FYN: variants seen among roughly 807,000 people sequenced by gnomAD.
FYN encodes FYN proto-oncogene, Src family tyrosine kinase, also known as tyrosine-protein kinase Fyn.
A neutral mutation model predicts 70.2 loss-of-function variants in FYN; 10 were observed. That is an observed-to-expected ratio of 0.14 (90% CI 0.09 to 0.24). The LOEUF is 0.24. Ranked by LOEUF, FYN falls within the 10% of genes least tolerant of loss-of-function variation. FYN has a pLI of 1.00. For synonymous variants in FYN, 236 were observed against 248.6 expected (o/e 0.95, Z 0.48); for missense variants, 319 against 673.1 (o/e 0.47, Z 5.82).
Position 111,846,350 on chromosome 6 carries a change from A to G in FYN, c.-82+239T>C, listed in dbSNP as rs1773527337. 2.6e-5 allele frequency among the ~76,000 whole-genome samples: 4 copies of G among 152,318 alleles called. No individual in the cohort carries two copies. In the Middle Eastern group the frequency reaches 0.014, roughly 518 times the overall value. On this transcript the variant is annotated intron_variant, in intron 2 of 13. Coordinates refer to ENST00000354650, the MANE Select transcript of FYN (RefSeq NM_002037.5). ...ATAGTCAAAACATATGTTCCCATAA[A>G]TTACCAGAATTGAGTGTTACAACTA...
chr6:111,701,074 A>C (rs1296461719), intron 8 of FYN, among the ~76,000 whole-genome samples: 1 of 152,190 alleles, frequency 6.6e-6, no homozygotes, highest in African/African-American at 2.4e-5. Context: ...AATTCACAGA[A>C]ATTCAAGATG....
intron 1 of FYN, among the ~76,000 whole-genome samples, chr6:111,852,737 GA>G (rs940882131): frequency 3.3e-5 from 5 of 150,428 alleles, no homozygotes; most frequent in East Asian, 1.9e-4. Flanking sequence ...AAGAAGCCAG[GA>G]AAAAAAAAGT....
intron 12 of FYN, among the ~76,000 whole-genome samples, chr6:111,675,730 T>C (rs1472951287): frequency 2.6e-5 from 4 of 151,590 alleles, no homozygotes; most frequent in Admixed American, 2.0e-4. Flanking sequence ...GAGGCAGAGG[T>C]TGCAGTGAGC....
chr6:111,791,331 A>G (rs1213090110), intron 2 of FYN, among the ~76,000 whole-genome samples: 1 of 152,236 alleles, frequency 6.6e-6, no homozygotes, highest in Non-Finnish European at 1.5e-5. Flanking sequence ...TAAAATATAA[A>G]TGTATAAAAA....
intron 3 of FYN, among the ~76,000 whole-genome samples, chr6:111,757,777 AT>A (rs1802804662): frequency 6.6e-6 from 1 of 152,156 alleles, no homozygotes; most frequent in Admixed American, 6.5e-5. Flanking sequence ...AAAACACAGG[AT>A]GTCATTTAAA....
chr6:111,826,210 T>A (rs1583474276), intron 2 of FYN, among the ~76,000 whole-genome samples: 1 of 152,090 alleles, frequency 6.6e-6, no homozygotes, highest in South Asian at 2.1e-4. Flanking sequence ...TTTTTTCCCT[T>A]GTGAAATGGC....
chr6:111,808,442 G>A (rs1248061328), intron 2 of FYN, among the ~76,000 whole-genome samples: 1 of 152,190 alleles, frequency 6.6e-6, no homozygotes, highest in Non-Finnish European at 1.5e-5. Context: ...CGGAAGGGCT[G>A]CCTGACAGGG....
chr6:111,868,272 T>A (rs774888621), intron 1 of FYN, among the ~76,000 whole-genome samples: 2 of 152,128 alleles, frequency 1.3e-5, no homozygotes, highest in African/African-American at 2.4e-5. Context: ...CAGGATCACA[T>A]CTCTTTTGCC....
chr6:111,783,782 G>A (rs931639815), intron 2 of FYN, among the ~76,000 whole-genome samples: 5 of 152,198 alleles, frequency 3.3e-5, no homozygotes, highest in African/African-American at 1.2e-4. Context: ...ATGGCAGCAC[G>A]CCCAGCTGGG....
intron 12 of FYN, among the ~76,000 whole-genome samples, chr6:111,679,939 C>T (rs1338948854): frequency 4.6e-5 from 7 of 152,058 alleles, no homozygotes; most frequent in Non-Finnish European, 8.8e-5. Flanking sequence ...GGCAAGGGGC[C>T]TTGGGAGAGT....
chr6:111,727,131 C>T (rs1562493271), intron 3 of FYN, among the ~76,000 whole-genome samples: 1 of 152,188 alleles, frequency 6.6e-6, no homozygotes. Flanking sequence ...GGTCTCACCT[C>T]CATCCCCAAT....
intron 2 of FYN, among the ~76,000 whole-genome samples, chr6:111,841,907 A>AT (rs1380237450): frequency 2.6e-5 from 4 of 152,116 alleles, no homozygotes; most frequent in Non-Finnish European, 4.4e-5. Flanking sequence ...CGCATGATAC[A>AT]TAACAACTAT....
intron 1 of FYN, among the ~76,000 whole-genome samples, chr6:111,863,006 A>C (rs1452257037): frequency 6.6e-6 from 1 of 152,252 alleles, no homozygotes; most frequent in Non-Finnish European, 1.5e-5. Flanking sequence ...AGCCAGGATG[A>C]CTAAGGAAGA....
intron 3 of FYN, chr6:111,759,002 C>A: frequency 6.5e-6 from 1 of 152,754 alleles, no homozygotes. Context: ...ATGCAGTTCC[C>A]ACATCTTGTC....
intron 9 of FYN, among the ~76,000 whole-genome samples, chr6:111,697,179 A>G (rs1183438589): frequency 2.0e-5 from 3 of 152,230 alleles, no homozygotes; most frequent in Non-Finnish European, 4.4e-5. Flanking sequence ...ATGTTAAAAA[A>G]AAATCTAGCA....
intron 3 of FYN, among the ~76,000 whole-genome samples, chr6:111,762,391 T>G (rs530851032): frequency 6.6e-6 from 1 of 152,190 alleles, no homozygotes; most frequent in South Asian, 2.1e-4. Flanking sequence ...ACCATGGGGA[T>G]CCAAAGAAAC....
At chr6:111,668,084 T>C (rs1798091730) in intron 13 of FYN, among the ~76,000 whole-genome samples, 1 of 152,342 alleles carries the variant, frequency 6.6e-6, no homozygotes, top group Middle Eastern at 3.4e-3. Flanking sequence ...TACATGTCTG[T>C]TGAGCAGTGC....
Position 111,694,603 on chromosome 6 carries a change from C to A in FYN, c.1119+25G>T. The A allele has an allele frequency of 6.2e-7, 1 of 1,613,762 alleles. No homozygotes were observed. Among genetic ancestry groups the A allele is most frequent in the Non-Finnish European group, 8.5e-7 (1 of 1,179,762 alleles). ...TAGACACGTCATTAAATCTATGGCA[C>A]ATCAAGTTACCCTGCAGGGCCTACC... is the stretch of plus-strand genomic sequence containing the variant. On this transcript the variant is annotated intron_variant, in intron 11 of 13. Transcript: ENST00000354650. The surrounding 1 kb of genome is among the most constrained non-coding windows in gnomAD (Gnocchi z 5.0).
intron 3 of FYN, among the ~76,000 whole-genome samples, chr6:111,748,308 G>A (rs1802320151): frequency 6.6e-6 from 1 of 152,210 alleles, no homozygotes; most frequent in African/African-American, 2.4e-5. Context: ...GCTGCAGCTG[G>A]TAAGGGAACT....
Sources: gnomAD v4.1 joint callset for allele counts (sites outside exome capture counted in the v4.1 genomes callset) on GRCh38, gnomAD v4.1.1 for gene constraint, Gnocchi (gnomAD v3.1) non-coding constraint, MANE v1.5 for transcripts, NCBI Gene and HGNC (gene_info 2026-07-23, HGNC 2026-07-21) for gene names.